PLEKHG1: variants seen among roughly 807,000 people sequenced by gnomAD.
PLEKHG1 encodes pleckstrin homology domain-containing family G member 1.
Under a neutral mutation model 100.8 loss-of-function variants are expected in PLEKHG1, and 44 were observed. That is an observed-to-expected ratio of 0.44 (90% CI 0.34 to 0.56). PLEKHG1 has a LOEUF of 0.56. PLEKHG1 is among the 20% of genes least tolerant of loss of function. The pLI is 0.01. For synonymous variants in PLEKHG1, 640 were observed against 662.5 expected (o/e 0.97, Z 0.52); for missense variants, 1,545 against 1,720.9 (o/e 0.90, Z 1.81).
At chr6:150,788,232 G>A (rs1785749863) in intron 4 of PLEKHG1, among the ~76,000 whole-genome samples, 1 of 152,246 alleles carries the variant, frequency 6.6e-6, no homozygotes, top group Non-Finnish European at 1.5e-5. Flanking sequence ...CATGGAAACA[G>A]GGAATCCTGA....
At chr6:150,788,771 C>A (rs1785782540) in intron 4 of PLEKHG1, among the ~76,000 whole-genome samples, 1 of 152,200 alleles carries the variant, frequency 6.6e-6, no homozygotes, top group African/African-American at 2.4e-5. Context: ...AGAGCCTCAA[C>A]CTCCCCTTAG....
Position 150,830,644 on chromosome 6 carries a change from TAGTC to T in PLEKHG1, c.1536_1539del (p.Gln513LeufsTer6). ...CAAGGCCGTCTCCTGCCCAGAGAAA[TAGTC>T]AGCCTAGCAGTTCTACCATGATCAG... On this transcript the variant is annotated frameshift_variant, in exon 15 of 16. Transcript: ENST00000358517. LOFTEE classifies it high-confidence loss of function. The T allele has an allele frequency of 1.2e-6, 2 of 1,613,094 alleles. No homozygotes were observed. Among genetic ancestry groups the T allele is most frequent in the Non-Finnish European group, 1.7e-6 (2 of 1,179,280 alleles).
intron 3 of PLEKHG1, among the ~76,000 whole-genome samples, chr6:150,706,998 CTTTTTTTTT>C (rs71014517): frequency 3.9e-5 from 2 of 51,934 alleles, no homozygotes; most frequent in Admixed American, 4.0e-4. Context: ...TTTTCTTTTT[CTTTTTTTTT>C]TTTTTTTTTT....
At chr6:150,724,392 C>T (rs1464416629) in intron 1 of PLEKHG1, among the ~76,000 whole-genome samples, 1 of 152,152 alleles carries the variant, frequency 6.6e-6, no homozygotes, top group African/African-American at 2.4e-5. Context: ...AACTAACAGT[C>T]CCTCTCTGAG....
chr6:150,771,703 G>A (rs1360460132), intron 3 of PLEKHG1, among the ~76,000 whole-genome samples: 2 of 151,832 alleles, frequency 1.3e-5, no homozygotes, highest in Non-Finnish European at 1.5e-5. Flanking sequence ...TCTGTGGTTG[G>A]GGCTTGAAAT....
chr6:150,807,738 C>G (rs1262406237), intron 7 of PLEKHG1, among the ~76,000 whole-genome samples: 1 of 152,062 alleles, frequency 6.6e-6, no homozygotes, highest in Admixed American at 6.6e-5. Context: ...CTTTGGGAGG[C>G]CAAGTGGATC....
intron 1 of PLEKHG1, among the ~76,000 whole-genome samples, chr6:150,632,208 A>G (rs1452642009): frequency 1.3e-5 from 2 of 152,244 alleles, no homozygotes; most frequent in African/African-American, 4.8e-5. Flanking sequence ...TTATAAACAC[A>G]CAAGCAAAGC....
At chr6:150,659,133 TTCTCTCTCTC>T (rs144788557) in intron 3 of PLEKHG1, among the ~76,000 whole-genome samples, 1 of 148,320 alleles carries the variant, frequency 6.7e-6, no homozygotes, top group Admixed American at 6.8e-5. Context: ...TGGGACTGGG[TTCTCTCTCTC>T]TCTCTCTCTT....
At chr6:150,780,563 A>G (rs1378550490) in intron 3 of PLEKHG1, among the ~76,000 whole-genome samples, 1 of 152,148 alleles carries the variant, frequency 6.6e-6, no homozygotes, top group Non-Finnish European at 1.5e-5. Flanking sequence ...CCCCGAGATA[A>G]CTTTACCATG....
In PLEKHG1 at chr6:150,831,951, A is replaced by C. The variant is rs1181799637; in HGVS notation, c.2840A>C (p.Tyr947Ser). The C allele has an allele frequency of 6.2e-7, 1 of 1,613,596 alleles. No individual in the cohort carries two copies. The highest frequency in any genetic ancestry group is 1.3e-5 in the African/African-American group (1 of 74,920). The stretch of plus-strand genomic sequence containing the variant: ...GAAATGCCCCTCATGGACAATCCCT[A>C]CGACCTGGCCAACAGTGGCCTGTCT... Residue 947 changes from tyrosine (Y) to serine (S), a missense_variant, in exon 15 of 16, where the codon TAC (tyrosine) becomes TCC (serine). Transcript: ENST00000358517. This position sits in a 1 kb window ranked among gnomAD's most constrained non-coding sequence, Gnocchi z 4.1.
At chr6:150,695,468 T>C (rs1015684618) in intron 3 of PLEKHG1, among the ~76,000 whole-genome samples, 3 of 152,224 alleles carry the variant, frequency 2.0e-5, no homozygotes, top group Admixed American at 6.5e-5. Context: ...TTCTTCCTTA[T>C]AGAGAAAAGA....
chr6:150,672,021 G>A (rs1779603172), intron 3 of PLEKHG1, among the ~76,000 whole-genome samples: 1 of 152,162 alleles, frequency 6.6e-6, no homozygotes, highest in Non-Finnish European at 1.5e-5. Context: ...CAGAAAGTGG[G>A]GTGGTAAAGA....
chr6:150,634,988 G>A (rs1049199957), intron 1 of PLEKHG1, among the ~76,000 whole-genome samples: 11 of 152,190 alleles, frequency 7.2e-5, no homozygotes, highest in African/African-American at 2.7e-4. Flanking sequence ...AAGTAGTTAA[G>A]GGACTCTTTT....
At chr6:150,777,621 T>C (rs1192549366) in intron 3 of PLEKHG1, among the ~76,000 whole-genome samples, 6 of 141,294 alleles carry the variant, frequency 4.2e-5, no homozygotes, top group African/African-American at 7.9e-5. Flanking sequence ...TGCACATGTG[T>C]GGTTGCACAT....
At chr6:150,621,889 A>G (rs536919168) in intron 1 of PLEKHG1, among the ~76,000 whole-genome samples, 5 of 152,322 alleles carry the variant, frequency 3.3e-5, no homozygotes, top group African/African-American at 1.2e-4. Flanking sequence ...GTAACATCTT[A>G]TGACTTGAAC....
rs1402120801 is a variant in PLEKHG1 at position 150,831,695 on chromosome 6, C to T, written c.2584C>T (p.Pro862Ser). ...CAGAGACCGTCTCCTGGCAGCGTTT[C>T]CTGTGAGCAAGGATGATGTGCCAGA... The change falls in exon 15 of 16, where the codon CCT becomes TCT. Residue 862 changes from proline (P) to serine (S), a missense_variant. Pro to Ser is a moderately conservative substitution (Grantham distance 74, BLOSUM62 -1). Coordinates refer to ENST00000358517, the Ensembl canonical transcript of PLEKHG1. This position sits in a 1 kb window ranked among gnomAD's most constrained non-coding sequence, Gnocchi z 4.1. The T allele has an allele frequency of 4.3e-6, 7 of 1,612,918 alleles. No homozygotes were observed. The highest frequency in any genetic ancestry group is 5.9e-6 in the Non-Finnish European group (7 of 1,180,048).
At chr6:150,671,977 AAAGATTC>A (rs1485768790) in intron 3 of PLEKHG1, among the ~76,000 whole-genome samples, 1 of 152,198 alleles carries the variant, frequency 6.6e-6, no homozygotes, top group African/African-American at 2.4e-5. Context: ...TCAGCTTTCT[AAAGATTC>A]ACTAGCTATT....
intron 2 of PLEKHG1, among the ~76,000 whole-genome samples, chr6:150,754,742 C>T (rs1250231369): frequency 1.3e-5 from 2 of 150,682 alleles, no homozygotes; most frequent in African/African-American, 2.4e-5. Flanking sequence ...AATCTTGGCT[C>T]ACCGCAACCT....
chr6:150,789,547 T>C (rs1236347944), intron 4 of PLEKHG1, among the ~76,000 whole-genome samples: 4 of 152,230 alleles, frequency 2.6e-5, no homozygotes, highest in African/African-American at 9.6e-5. Context: ...AATTCAATCG[T>C]GCAGAAGTCA....
Sources: allele counts gnomAD v4.1 joint callset (sites outside exome capture counted in the v4.1 genomes callset), GRCh38; gene constraint gnomAD v4.1.1; non-coding constraint Gnocchi (gnomAD v3.1); transcripts MANE v1.5; gene names NCBI Gene and HGNC (gene_info 2026-07-23, HGNC 2026-07-21).